Variants in SLC22A25 observed in about 807,000 individuals in gnomAD.
The protein encoded by SLC22A25 is solute carrier family 22 member 25, also known as MGI:2442751, MGI:2385316, MGI:3042283, MGI:3645714, MGI:3605624, MGI:2442750.
In SLC22A25, 44 loss-of-function variants were observed where a neutral mutation model predicts 45.9. The ratio of observed to expected loss-of-function variants is 0.96; its 90% CI spans 0.75 to 1.23. SLC22A25 has a LOEUF of 1.23. Among genes scored for constraint, SLC22A25 ranks in the 50% most tolerant of loss-of-function variants. The probability of loss-of-function intolerance (pLI) is 0.00; values close to 1 mark genes in which losing one functional copy is unlikely to be tolerated. For synonymous variants in SLC22A25, 283 were observed against 238.6 expected (o/e 1.19, Z -1.72); for missense variants, 800 against 666.4 (o/e 1.20, Z -2.21).
At chr11:63,237,426 C>T (rs1469747912) in intron 3 of SLC22A25, among the ~76,000 whole-genome samples, 4 of 152,262 alleles carry the variant, frequency 2.6e-5, no homozygotes, top group African/African-American at 7.2e-5. Context: ...AATCCAGCCC[C>T]CATTCTCTGT....
intron 7 of SLC22A25, among the ~76,000 whole-genome samples, chr11:63,216,432 T>C (rs572514414): frequency 2.0e-5 from 3 of 152,338 alleles, no homozygotes; most frequent in African/African-American, 7.2e-5. Context: ...CGTATGTTCA[T>C]GGCAGCACTA....
rs2088411888 is a variant in SLC22A25, at chr11:63,183,690, T to G, written c.954+4A>C. ...ATCCCATATCCAGCTCCCGTCTTGC[T>G]TACCTCCATGGTTAGGATGTCTTCA... On this transcript the variant is annotated splice_donor_region_variant and intron_variant, in intron 8 of 11. Coordinates refer to ENST00000306494, the MANE Select transcript of SLC22A25 (RefSeq NM_199352.6). 1.9e-6 allele frequency: 3 copies of G among 1,612,654 alleles called. No individual in the cohort carries two copies. The highest frequency in any genetic ancestry group is 2.5e-6 in the Non-Finnish European group (3 of 1,179,060).
chr11:63,172,827 G>C (rs1294017241), intron 9 of SLC22A25, among the ~76,000 whole-genome samples: 5 of 151,910 alleles, frequency 3.3e-5, no homozygotes, highest in African/African-American at 1.2e-4. Context: ...CATGGATTTA[G>C]AAAAAGAAAT....
At chr11:63,210,942 C>A (rs562801503) in intron 7 of SLC22A25, among the ~76,000 whole-genome samples, 1 of 152,016 alleles carries the variant, frequency 6.6e-6, no homozygotes, top group African/African-American at 2.4e-5. Flanking sequence ...TTCCTTTATA[C>A]CTAAAGGGAA....
chr11:63,163,773 T>C lies in SLC22A25; in HGVS notation c.*51A>G, dbSNP rs369669322. On this transcript the variant is annotated 3_prime_UTR_variant, in exon 12 of 12. Coordinates refer to ENST00000306494, the MANE Select transcript of SLC22A25 (RefSeq NM_199352.6). ...CATGGGAATAGCCCAGATCTAAGCC[T>C]TTTTGGGGGATGGTAGCCCTAAATG... 5.8e-6 allele frequency: 9 copies of C among 1,560,596 alleles called. No homozygotes were observed. The African/African-American group carries it at 1.1e-4, about 19-fold the overall frequency.
At chr11:63,180,393 C>A (rs1217110998) in intron 9 of SLC22A25, among the ~76,000 whole-genome samples, 6 of 152,116 alleles carry the variant, frequency 3.9e-5, no homozygotes, top group Non-Finnish European at 8.8e-5. Context: ...AACTTTGAGT[C>A]TAAACCTATA....
In SLC22A25 at chr11:63,164,601, A is replaced by G. The variant is rs1565057129; in HGVS notation, c.1319T>C (p.Leu440Pro). 1 of 1,613,836 alleles carries G rather than the reference A, an allele frequency of 6.2e-7. No individual in the cohort carries two copies. Among genetic ancestry groups the G allele is most frequent in the Non-Finnish European group, 8.5e-7 (1 of 1,179,820 alleles). The change falls in exon 11 of 12, where the codon CTG (leucine) becomes CCG (proline). Residue 440 changes from leucine to proline, a missense_variant. Physicochemically the swap from Leu to Pro is moderately conservative, Grantham distance 98. Coordinates refer to ENST00000306494, the MANE Select transcript of SLC22A25 (RefSeq NM_199352.6). ...MQTLRVVLATLGVGAASLGIT... is the reference protein window; with the variant it reads ...MQTLRVVLATPGVGAASLGIT... ...GCCAAGAGAAGCAGCTCCCACACCC[A>G]GGGTTGCCAAAACCACACGCAGGGT...
chr11:63,228,660 T>G, intron 4 of SLC22A25, 96 bp from the exon 5 acceptor site: 1 of 872,204 alleles, frequency 1.1e-6, no homozygotes, highest in Non-Finnish European at 1.8e-6. Flanking sequence ...CATTCTATCT[T>G]CCTCCCTAGC....
At chr11:63,219,491 A>G (rs1043066997) in intron 5 of SLC22A25, among the ~76,000 whole-genome samples, 2 of 152,206 alleles carry the variant, frequency 1.3e-5, no homozygotes, top group East Asian at 3.8e-4. Flanking sequence ...TAAGTTCTTC[A>G]TTCCTTTTTC....
At position 63,163,530 on chromosome 11, in the gene SLC22A25, G is replaced by A. The variant is rs2087574130; in HGVS notation, c.*294C>T. 6.6e-6 allele frequency among the ~76,000 whole-genome samples: 1 copy of A among 152,126 alleles called. No individual in the cohort carries two copies. The highest frequency in any genetic ancestry group is 1.5e-5 in the Non-Finnish European group (1 of 68,034). On this transcript the variant is annotated 3_prime_UTR_variant, in exon 12 of 12. Transcript: ENST00000306494. ...AGGGCTCCCCAGGGATGAGAAGATG[G>A]TGTTTGGATCCCTGCATGTTTGTAG...
At chr11:63,200,618 C>T (rs549255058) in intron 7 of SLC22A25, among the ~76,000 whole-genome samples, 12 of 152,248 alleles carry the variant, frequency 7.9e-5, no homozygotes, top group African/African-American at 2.9e-4. Context: ...TGCCCTCTCT[C>T]ACCACTCCTA....
chr11:63,181,567 A>G (rs7926160), intron 8 of SLC22A25, among the ~76,000 whole-genome samples: 151,522 of 152,164 alleles, frequency 1, 75,445 homozygotes, highest in Middle Eastern at 1. Context: ...GTTTCTGTGA[A>G]GAACAAGTTT....
chr11:63,204,109 AAG>A (rs1257035217), intron 7 of SLC22A25, among the ~76,000 whole-genome samples: 1 of 152,216 alleles, frequency 6.6e-6, no homozygotes, highest in East Asian at 1.9e-4. Flanking sequence ...AGCAAATGCT[AAG>A]AGATTTTGCC....
intron 5 of SLC22A25, among the ~76,000 whole-genome samples, chr11:63,225,780 G>T (rs1490529606): frequency 6.6e-6 from 1 of 152,034 alleles, no homozygotes; most frequent in Non-Finnish European, 1.5e-5. Flanking sequence ...AACCTTTTGA[G>T]ATGATTTTCT....
intron 7 of SLC22A25, among the ~76,000 whole-genome samples, chr11:63,194,196 C>T (rs1328565572): frequency 6.6e-6 from 1 of 152,022 alleles, no homozygotes; most frequent in Non-Finnish European, 1.5e-5. Context: ...GATTGATGTA[C>T]CTGAAAGTGA....
chr11:63,194,314 C>T (rs146248893), intron 7 of SLC22A25, among the ~76,000 whole-genome samples: 3,473 of 152,078 alleles, frequency 0.023, 132 homozygotes, highest in African/African-American at 0.079. Context: ...ATACAGAGAA[C>T]GCCACAAAGA....
At chr11:63,179,305 C>T (rs758410123) in intron 9 of SLC22A25, among the ~76,000 whole-genome samples, 2 of 151,888 alleles carry the variant, frequency 1.3e-5, no homozygotes, top group Non-Finnish European at 2.9e-5. Context: ...TTATTTTGTT[C>T]CCTTTTGTGT....
chr11:63,183,128 C>T (rs1367913142), intron 8 of SLC22A25, among the ~76,000 whole-genome samples: 1 of 152,094 alleles, frequency 6.6e-6, no homozygotes, highest in Non-Finnish European at 1.5e-5. Flanking sequence ...CATTTCCACT[C>T]AGCCATGCTT....
chr11:63,217,778 C>T lies in SLC22A25; in HGVS notation c.507-43G>A, dbSNP rs759990945. 18 of 1,558,336 alleles carry T rather than the reference C, an allele frequency of 1.2e-5. No homozygotes were observed. The East Asian group carries it at 4.1e-4, about 35-fold the overall frequency. On this transcript the variant is annotated intron_variant, in intron 5 of 11. Transcript: ENST00000306494. ...ATTAGATAATGGGAACAATAACAAC[C>T]TTTGGGAAATGTTAGCAAAGGGAAA... is the stretch of plus-strand genomic sequence containing the variant.
Sources: gnomAD v4.1 joint callset for allele counts (sites outside exome capture counted in the v4.1 genomes callset) on GRCh38, gnomAD v4.1.1 for gene constraint, MANE v1.5 for transcripts, NCBI Gene and HGNC (gene_info 2026-07-23, HGNC 2026-07-21) for gene names.